CABLES1: variants seen among roughly 807,000 people sequenced by gnomAD.
The protein encoded by CABLES1 is CDK5 and ABL1 enzyme substrate 1.
Under a neutral mutation model 57.8 loss-of-function variants are expected in CABLES1, and 36 were observed. The ratio of observed to expected loss-of-function variants is 0.62; its 90% CI spans 0.48 to 0.82. The LOEUF is 0.82. CABLES1 is among the 40% of genes least tolerant of loss of function. The pLI is 0.00. For synonymous variants in CABLES1, 374 were observed against 363.0 expected, an observed-to-expected ratio of 1.03 and a Z score of -0.35; for missense variants, 767 against 836.6, an observed-to-expected ratio of 0.92 and a Z score of 1.03.
At chr18:23,179,338 C>A (rs1008411250) in intron 1 of CABLES1, among the ~76,000 whole-genome samples, 1 of 152,126 alleles carries the variant, frequency 6.6e-6, no homozygotes, top group Middle Eastern at 3.2e-3. Context: ...AAAATCTAAC[C>A]ATCCCTCCTT....
intron 1 of CABLES1, among the ~76,000 whole-genome samples, chr18:23,174,714 C>T (rs922030122): frequency 2.0e-5 from 3 of 150,996 alleles, no homozygotes; most frequent in Non-Finnish European, 2.9e-5. Flanking sequence ...CCTCGTAATC[C>T]GCCCACCTTG....
intron 1 of CABLES1, among the ~76,000 whole-genome samples, chr18:23,153,626 C>T (rs1176922490): frequency 2.6e-5 from 4 of 151,842 alleles, no homozygotes; most frequent in African/African-American, 2.4e-5. Flanking sequence ...CCCAGCTACT[C>T]GGGAGGCTGA....
intron 1 of CABLES1, among the ~76,000 whole-genome samples, chr18:23,176,236 G>A (rs1163120896): frequency 1.3e-5 from 2 of 152,110 alleles, no homozygotes; most frequent in Non-Finnish European, 2.9e-5. Context: ...GGGGGTGGGG[G>A]GATGGCTTCG....
intron 1 of CABLES1, among the ~76,000 whole-genome samples, chr18:23,154,639 G>A (rs574939431): frequency 9.9e-5 from 15 of 152,266 alleles, no homozygotes; most frequent in Admixed American, 2.6e-4. Context: ...TGTTGGTGCC[G>A]TACAGATTTT....
At chr18:23,233,671 C>A (rs1719973471) in intron 4 of CABLES1, among the ~76,000 whole-genome samples, 2 of 152,144 alleles carry the variant, frequency 1.3e-5, no homozygotes, top group African/African-American at 4.8e-5. Flanking sequence ...CATGATCACA[C>A]CACTGTACTC....
chr18:23,163,858 T>G (rs996557064), intron 1 of CABLES1, among the ~76,000 whole-genome samples: 12 of 152,196 alleles, frequency 7.9e-5, no homozygotes, highest in Admixed American at 1.3e-4. Context: ...TGTGTAAATG[T>G]TTTTGTTCAT....
intron 6 of CABLES1, among the ~76,000 whole-genome samples, 160 bp downstream of exon 6, chr18:23,236,211 G>A (rs1379485906): frequency 1.3e-5 from 2 of 152,198 alleles, no homozygotes; most frequent in African/African-American, 4.8e-5. Flanking sequence ...GGCCCGCAAT[G>A]AAGCCGCAGG....
intron 1 of CABLES1, among the ~76,000 whole-genome samples, chr18:23,176,106 G>C (rs1183066014): frequency 6.6e-6 from 1 of 152,160 alleles, no homozygotes; most frequent in Non-Finnish European, 1.5e-5. Flanking sequence ...GGGTGAGGCA[G>C]ATTCTGAATT....
At chr18:23,157,571 C>T (rs2046973931) in intron 1 of CABLES1, among the ~76,000 whole-genome samples, 1 of 152,208 alleles carries the variant, frequency 6.6e-6, no homozygotes, top group South Asian at 2.1e-4. Context: ...CCTCTTCCTT[C>T]TCACCAGGCT....
At chr18:23,146,878 A>G (rs1437646204) in intron 1 of CABLES1, among the ~76,000 whole-genome samples, 1 of 152,210 alleles carries the variant, frequency 6.6e-6, no homozygotes, top group Non-Finnish European at 1.5e-5. Context: ...TCAACTAAGT[A>G]CTGTAGAATT....
rs1027982983 is a variant in CABLES1, at chr18:23,135,936, C to T, written c.174C>T (p.Asp58=). ...PPEPPRKPRM[D]PRRRQAALSF... ...AACCCCCCCGGAAGCCGCGCATGGA[C>T]CCGCGGCGCCGCCAGGCTGCCCTCT... The change falls in exon 1 of 10, where the codon GAC becomes GAT. Residue 58 remains aspartate (D), a synonymous_variant. Coordinates refer to ENST00000256925, the MANE Select transcript of CABLES1 (RefSeq NM_001100619.3). 153 of 1,116,442 alleles carry T rather than the reference C, an allele frequency of 1.4e-4. No individual in the cohort carries two copies. Among genetic ancestry groups the T allele is most frequent in the Non-Finnish European group, 1.7e-4 (152 of 918,116 alleles). The allele number at this position is 1,116,442 out of a possible 1,614,324, so 69.2% of individuals were successfully genotyped here.
chr18:23,227,927 C>T (rs560277178), intron 4 of CABLES1, among the ~76,000 whole-genome samples: 6 of 152,278 alleles, frequency 3.9e-5, no homozygotes, highest in African/African-American at 1.2e-4. Context: ...GAAGAGCTAG[C>T]GCCTAGTGGA....
intron 1 of CABLES1, among the ~76,000 whole-genome samples, chr18:23,183,693 G>A (rs2047183177): frequency 6.6e-6 from 1 of 152,172 alleles, no homozygotes; most frequent in South Asian, 2.1e-4. Context: ...AACCCTGCCA[G>A]TCTCTTACCA....
intron 1 of CABLES1, among the ~76,000 whole-genome samples, chr18:23,181,464 C>CCAG (rs2047165508): frequency 7.7e-6 from 1 of 130,610 alleles, no homozygotes; most frequent in African/African-American, 2.9e-5. Context: ...CCATTGCACT[C>CCAG]CAGCCTGGGC....
chr18:23,135,696 G>A lies in CABLES1; in HGVS notation c.-67G>A. ...GCCCGGGTCGCCGCCGCTCGCGCCC[G>A]CCGCTTAGCGCTCGGGCGCCGCTCG... On this transcript the variant is annotated 5_prime_UTR_variant, in exon 1 of 10. Coordinates refer to ENST00000256925, the MANE Select transcript of CABLES1 (RefSeq NM_001100619.3). 6 of 982,720 alleles carry A rather than the reference G, an allele frequency of 6.1e-6. No individual in the cohort carries two copies. The highest frequency in any genetic ancestry group is 7.2e-6 in the Non-Finnish European group (6 of 829,458). 60.9% of individuals were successfully genotyped at this position (982,720 alleles called of 1,614,324 possible).
At chr18:23,139,589 G>T (rs2046844967) in intron 1 of CABLES1, among the ~76,000 whole-genome samples, 1 of 152,172 alleles carries the variant, frequency 6.6e-6, no homozygotes, top group Middle Eastern at 3.2e-3. Context: ...CACAGTAAAT[G>T]CCTGTGGAGG....
chr18:23,204,392 T>C (rs2047347616), intron 3 of CABLES1: 1 of 152,246 alleles, frequency 6.6e-6, no homozygotes. Context: ...CTCGCGCTTG[T>C]GTACGGGTTT....
At chr18:23,165,638 C>CT (rs1273831863) in intron 1 of CABLES1, among the ~76,000 whole-genome samples, 5 of 152,170 alleles carry the variant, frequency 3.3e-5, no homozygotes, top group Non-Finnish European at 5.9e-5. Flanking sequence ...TTGTAACTGG[C>CT]TTATTTCACT....
chr18:23,240,661 C>T (rs2089059993), intron 7 of CABLES1, among the ~76,000 whole-genome samples: 1 of 152,236 alleles, frequency 6.6e-6, no homozygotes, highest in Non-Finnish European at 1.5e-5. Flanking sequence ...GAGCTGCTCA[C>T]CTCCCTTAGT....
Sources: gnomAD v4.1 joint callset for allele counts (sites outside exome capture counted in the v4.1 genomes callset) on GRCh38, gnomAD v4.1.1 for gene constraint, MANE v1.5 for transcripts, NCBI Gene and HGNC (gene_info 2026-07-23, HGNC 2026-07-21) for gene names.